CSGALNACT1: variants seen among roughly 807,000 people sequenced by gnomAD.
The protein encoded by CSGALNACT1 is beta4GalNAcT-1.
Under a neutral mutation model 51.0 loss-of-function variants are expected in CSGALNACT1, and 52 were observed. The observed-to-expected ratio is 1.02, with a 90% CI of 0.82 to 1.29. The LOEUF is 1.29. Ranked by LOEUF, CSGALNACT1 falls within the 50% of genes most tolerant of loss-of-function variation. CSGALNACT1 has a pLI of 0.00. For synonymous variants in CSGALNACT1, 341 were observed against 254.4 expected, an observed-to-expected ratio of 1.34 and a Z score of -3.24; for missense variants, 935 against 679.2, an observed-to-expected ratio of 1.38 and a Z score of -4.19.
intron 1 of CSGALNACT1, among the ~76,000 whole-genome samples, chr8:19,673,895 G>A (rs541236337): frequency 1.2e-4 from 19 of 152,308 alleles, no homozygotes; most frequent in Middle Eastern, 6.8e-3. Flanking sequence ...CCTGTGCCAG[G>A]CACTATTCTA....
intron 6 of CSGALNACT1, among the ~76,000 whole-genome samples, chr8:19,428,823 ATATG>A (rs1383214654): frequency 4.9e-4 from 25 of 51,248 alleles, no homozygotes; most frequent in Non-Finnish European, 6.4e-4. Context: ...ATAAGACATG[ATATG>A]TGTGTGTGTG....
intron 4 of CSGALNACT1, among the ~76,000 whole-genome samples, chr8:19,484,020 T>C (rs1455882893): frequency 6.6e-6 from 1 of 152,208 alleles, no homozygotes; most frequent in Non-Finnish European, 1.5e-5. Flanking sequence ...ATCATCACTT[T>C]GTCCTGCATA....
chr8:19,652,335 G>T (rs10086135), intron 1 of CSGALNACT1, among the ~76,000 whole-genome samples: 5,943 of 152,222 alleles, frequency 0.039, 168 homozygotes, highest in African/African-American at 0.073. Context: ...TGGTGACCAA[G>T]ATCAAGGAGG....
At chr8:19,641,477 C>A (rs1449292067) in intron 1 of CSGALNACT1, among the ~76,000 whole-genome samples, 2 of 152,122 alleles carry the variant, frequency 1.3e-5, no homozygotes, top group Non-Finnish European at 2.9e-5. Context: ...ATCTGGACAG[C>A]TGCAACCATA....
chr8:19,666,983 GAAAGAAAGAAAGAAAGAAAGAAAGAAAGA>G (rs2059346393), intron 1 of CSGALNACT1, among the ~76,000 whole-genome samples: 16 of 18,908 alleles, frequency 8.5e-4, no homozygotes, highest in Middle Eastern at 0.042. Flanking sequence ...AAGAAAGAAA[GAAAGAAAGAAAGAAAGAAAGAAAGAAAGA>G]AAGAAAGGAA....
chr8:19,588,686 G>A (rs2047176098), intron 3 of CSGALNACT1, among the ~76,000 whole-genome samples: 1 of 152,142 alleles, frequency 6.6e-6, no homozygotes. Context: ...TAAATATCAA[G>A]TTAATTGGAT....
chr8:19,547,549 C>T (rs1430070196), intron 3 of CSGALNACT1, among the ~76,000 whole-genome samples: 1 of 152,138 alleles, frequency 6.6e-6, no homozygotes, highest in African/African-American at 2.4e-5. Context: ...TTGCACTTGC[C>T]TGTCACCATG....
chr8:19,692,531 G>A (rs911927643), intron 1 of CSGALNACT1, among the ~76,000 whole-genome samples: 4 of 152,090 alleles, frequency 2.6e-5, no homozygotes, highest in African/African-American at 4.8e-5. Flanking sequence ...TTTCTTTATC[G>A]AGTGACAGGA....
chr8:19,505,274 G>A (rs2077095039), exon 4 of CSGALNACT1: 4 of 1,614,220 alleles, frequency 2.5e-6, no homozygotes, highest in South Asian at 1.1e-5. Flanking sequence ...GGGTCTCCAA[G>A]GCTGATTCAA....
intron 4 of CSGALNACT1, among the ~76,000 whole-genome samples, chr8:19,497,548 C>A (rs1232664312): frequency 6.6e-6 from 1 of 152,054 alleles, no homozygotes; most frequent in African/African-American, 2.4e-5. Flanking sequence ...TTTAAAACAA[C>A]CATGAATAAT....
chr8:19,405,547 C>G (rs769929993), exon 10 of CSGALNACT1: 1 of 674,226 alleles, frequency 1.5e-6, no homozygotes. Context: ...CACAAGCATT[C>G]TGCCTTTGTC....
chr8:19,440,426 T>C (rs1226871535), intron 5 of CSGALNACT1, among the ~76,000 whole-genome samples: 1 of 151,796 alleles, frequency 6.6e-6, no homozygotes. Context: ...TGCAAATCAA[T>C]AAATGTAATC....
At chr8:19,564,158 A>T (rs971547572) in intron 3 of CSGALNACT1, among the ~76,000 whole-genome samples, 33 of 152,150 alleles carry the variant, frequency 2.2e-4, no homozygotes, top group African/African-American at 7.7e-4. Context: ...GCAAACTTTT[A>T]AAAGAGGAAA....
At chr8:19,626,468 G>A (rs1011856851) in intron 1 of CSGALNACT1, among the ~76,000 whole-genome samples, 3 of 152,034 alleles carry the variant, frequency 2.0e-5, no homozygotes, top group Non-Finnish European at 2.9e-5. Flanking sequence ...AATGTAAAAT[G>A]GTAAATGTAA....
chr8:19,693,932 C>T (rs889924259), intron 1 of CSGALNACT1, among the ~76,000 whole-genome samples: 1 of 146,094 alleles, frequency 6.8e-6, no homozygotes, highest in African/African-American at 2.5e-5. Context: ...CCTGGAGCAA[C>T]CATATAACAT....
At chr8:19,739,817 T>C (rs1160568681) in intron 1 of CSGALNACT1, among the ~76,000 whole-genome samples, 1 of 152,222 alleles carries the variant, frequency 6.6e-6, no homozygotes. Flanking sequence ...CATTCCCAAA[T>C]TGCCTACTTC....
chr8:19,453,672 G>A lies in CSGALNACT1; in HGVS notation c.851+4754C>T, dbSNP rs1401653364. On this transcript the variant is annotated intron_variant, in intron 5 of 9. Transcript: ENST00000454498. ...CACACTTATAATCCCAGCATTTTGGGAGGCTGAGGTGGGCAGATCCCCTGA... is the reference window on the plus strand; with the variant it reads ...CACACTTATAATCCCAGCATTTTGGAAGGCTGAGGTGGGCAGATCCCCTGA... Among the ~76,000 whole-genome samples the A allele has an allele frequency of 3.3e-5, 5 of 152,196 alleles. No individual in the cohort carries two copies. The East Asian group carries it at 9.6e-4, about 29-fold the overall frequency.
At chr8:19,590,931 G>T (rs1296628906) in intron 3 of CSGALNACT1, among the ~76,000 whole-genome samples, 1 of 152,090 alleles carries the variant, frequency 6.6e-6, no homozygotes, top group Non-Finnish European at 1.5e-5. Context: ...GATTAAAGGT[G>T]TGAGCCACTA....
chr8:19,672,384 T>C (rs1360931665), intron 1 of CSGALNACT1, among the ~76,000 whole-genome samples: 1 of 152,236 alleles, frequency 6.6e-6, no homozygotes, highest in Non-Finnish European at 1.5e-5. Flanking sequence ...CTGGCTTCCA[T>C]ACAGCCAGGG....
Sources: allele counts gnomAD v4.1 joint callset (sites outside exome capture counted in the v4.1 genomes callset), GRCh38; gene constraint gnomAD v4.1.1; transcripts MANE v1.5; gene names NCBI Gene and HGNC (gene_info 2026-07-23, HGNC 2026-07-21).